SNTG1: variants seen among roughly 807,000 people sequenced by gnomAD.
SNTG1 encodes the protein syntrophin gamma 1, also known as gamma-1-syntrophin.
SNTG1 carries 39 observed loss-of-function variants against 74.7 expected under a neutral mutation model. That is an observed-to-expected ratio of 0.52 (90% confidence interval 0.40 to 0.68). SNTG1 has a LOEUF of 0.68. Among genes scored for constraint, SNTG1 ranks in the 30% least tolerant of loss-of-function variants. The probability of loss-of-function intolerance (pLI) is 0.00; values close to 1 mark genes in which losing one functional copy is unlikely to be tolerated. For synonymous variants in SNTG1, 254 were observed against 217.1 expected, an observed-to-expected ratio of 1.17 and a Z score of -1.49; for missense variants, 685 against 609.5, an observed-to-expected ratio of 1.12 and a Z score of -1.30.
intron 15 of SNTG1, among the ~76,000 whole-genome samples, chr8:50,700,013 A>G (rs768159763): frequency 2.6e-5 from 4 of 152,192 alleles, no homozygotes; most frequent in Non-Finnish European, 5.9e-5. Context: ...CCTATTAATA[A>G]ATAAAAGAGA....
At chr8:50,007,174 T>C (rs1016421590) in intron 1 of SNTG1, among the ~76,000 whole-genome samples, 3 of 152,140 alleles carry the variant, frequency 2.0e-5, no homozygotes, top group Non-Finnish European at 4.4e-5. Flanking sequence ...ACATGTGGTA[T>C]GAGACTAGCT....
intron 2 of SNTG1, among the ~76,000 whole-genome samples, chr8:50,329,418 A>G (rs948724186): frequency 1.3e-5 from 2 of 152,100 alleles, no homozygotes; most frequent in Admixed American, 6.5e-5. Context: ...CGCATTCCCA[A>G]ACATCCTCTG....
intron 1 of SNTG1, among the ~76,000 whole-genome samples, chr8:49,970,674 T>G (rs879609367): frequency 1.2e-4 from 18 of 152,224 alleles, no homozygotes; most frequent in Non-Finnish European, 2.5e-4. Flanking sequence ...GTAGCTCTAA[T>G]TCGCATGTCT....
chr8:49,975,685 TA>T (rs1451301922), intron 1 of SNTG1, among the ~76,000 whole-genome samples: 2 of 152,084 alleles, frequency 1.3e-5, no homozygotes, highest in Non-Finnish European at 2.9e-5. Flanking sequence ...AGGGGACTCT[TA>T]TTTTCAGTCC....
At chr8:49,952,358 A>G (rs371521347) in intron 1 of SNTG1, among the ~76,000 whole-genome samples, 34 of 152,296 alleles carry the variant, frequency 2.2e-4, no homozygotes, top group East Asian at 2.1e-3. Flanking sequence ...CCTCCCTCTA[A>G]GGGTGAGAAC....
intron 2 of SNTG1, among the ~76,000 whole-genome samples, chr8:50,314,156 C>T (rs1563884133): frequency 2.0e-5 from 3 of 149,614 alleles, no homozygotes; most frequent in Non-Finnish European, 4.4e-5. Flanking sequence ...CTTATTAAAA[C>T]TGAGGTGAGC....
At chr8:50,153,143 A>G (rs1448770028) in intron 1 of SNTG1, among the ~76,000 whole-genome samples, 1 of 151,888 alleles carries the variant, frequency 6.6e-6, no homozygotes, top group South Asian at 2.1e-4. Flanking sequence ...TTCTCACTTC[A>G]TTTTATTCAT....
intron 2 of SNTG1, among the ~76,000 whole-genome samples, chr8:50,280,934 A>T (rs1287542948): frequency 1.3e-5 from 2 of 148,946 alleles, no homozygotes; most frequent in Admixed American, 6.8e-5. Context: ...CGGGTGGATC[A>T]TGAGGTCAGG....
At chr8:50,200,930 G>C (rs929732015) in intron 2 of SNTG1, among the ~76,000 whole-genome samples, 16 of 152,206 alleles carry the variant, frequency 1.1e-4, no homozygotes, top group African/African-American at 3.4e-4. Context: ...TATGAATCCA[G>C]TGTACAAATC....
At chr8:50,626,899 A>T (rs2094960141) in intron 13 of SNTG1, among the ~76,000 whole-genome samples, 1 of 152,070 alleles carries the variant, frequency 6.6e-6, no homozygotes. Flanking sequence ...CTTTTAGGTT[A>T]TTATTTATGT....
At chr8:50,150,203 T>C (rs2082018171) in intron 1 of SNTG1, among the ~76,000 whole-genome samples, 1 of 152,284 alleles carries the variant, frequency 6.6e-6, no homozygotes, top group Non-Finnish European at 1.5e-5. Context: ...TTGTCTGTTA[T>C]TGGTGTATAA....
intron 1 of SNTG1, among the ~76,000 whole-genome samples, chr8:49,944,807 AG>A (rs1809022587): frequency 6.7e-6 from 1 of 150,220 alleles, no homozygotes; most frequent in South Asian, 2.1e-4. Flanking sequence ...AAAAAAAAAA[AG>A]ATGGAGTTTC....
intron 11 of SNTG1, among the ~76,000 whole-genome samples, chr8:50,550,334 G>C (rs913951514): frequency 1.4e-4 from 21 of 152,194 alleles, no homozygotes; most frequent in African/African-American, 5.1e-4. Context: ...TGCAGCTCTT[G>C]CTCCTTGTGC....
intron 1 of SNTG1, among the ~76,000 whole-genome samples, chr8:50,086,285 T>C (rs1449745262): frequency 6.6e-6 from 1 of 152,116 alleles, no homozygotes; most frequent in African/African-American, 2.4e-5. Flanking sequence ...TTCTCTCTGA[T>C]GGAAGTGTGG....
intron 13 of SNTG1, among the ~76,000 whole-genome samples, chr8:50,600,006 C>A (rs2094761012): frequency 6.6e-6 from 1 of 152,000 alleles, no homozygotes; most frequent in Non-Finnish European, 1.5e-5. Context: ...ATTTTTTAAT[C>A]ATGAAGGGAT....
At chr8:50,356,467 T>C (rs2091819701) in intron 2 of SNTG1, among the ~76,000 whole-genome samples, 1 of 152,196 alleles carries the variant, frequency 6.6e-6, no homozygotes, top group South Asian at 2.1e-4. Context: ...TTAGTCCATT[T>C]GTGCTGCTAT....
chr8:50,401,369 G>T (rs1221320985), intron 3 of SNTG1, among the ~76,000 whole-genome samples: 2 of 152,140 alleles, frequency 1.3e-5, no homozygotes, highest in Non-Finnish European at 2.9e-5. Flanking sequence ...CTGGATAAAT[G>T]ACAAGACTCA....
intron 8 of SNTG1, among the ~76,000 whole-genome samples, chr8:50,455,017 T>C (rs1048617018): frequency 2.6e-5 from 4 of 152,078 alleles, no homozygotes; most frequent in African/African-American, 9.7e-5. Context: ...TATACAAAAA[T>C]TTTAAGAAAA....
rs16914537 is a variant in SNTG1, at chr8:50,220,204, A to G, written c.-28+47569A>G. ...CCTCAACATCACATGAAATATGAAG[A>G]TAGAAGCCATCTTTGGGGTAATTTC... On this transcript the variant is annotated intron_variant, in intron 2 of 18. Coordinates refer to ENST00000642720, the MANE Select transcript of SNTG1 (RefSeq NM_018967.5). 9.9e-3 allele frequency among the ~76,000 whole-genome samples: 1,508 copies of G among 152,148 alleles called. 24 individuals carry two copies. The highest frequency in any genetic ancestry group is 0.034 in the African/African-American group (1,429 of 41,532).
Sources: gnomAD v4.1 joint callset for allele counts (sites outside exome capture counted in the v4.1 genomes callset) on GRCh38, gnomAD v4.1.1 for gene constraint, MANE v1.5 for transcripts, NCBI Gene and HGNC (gene_info 2026-07-23, HGNC 2026-07-21) for gene names.